CDK14: variants seen among roughly 807,000 people sequenced by gnomAD.
CDK14 encodes cyclin-dependent kinase 14.
In CDK14, 34 loss-of-function variants were observed where a neutral mutation model predicts 60.7. The observed-to-expected ratio is 0.56, with a 90% confidence interval of 0.43 to 0.75. CDK14 has a LOEUF of 0.75. Ranked by LOEUF, CDK14 falls within the 30% of genes least tolerant of loss-of-function variation. CDK14 has a pLI of 0.00. For missense variants in CDK14, 482 were observed against 564.1 expected (o/e 0.85, Z 1.47); for synonymous variants, 197 against 203.7 (o/e 0.97, Z 0.28).
intron 2 of CDK14, among the ~76,000 whole-genome samples, chr7:90,617,340 A>G (rs1324908148): frequency 1.3e-5 from 2 of 152,048 alleles, no homozygotes; most frequent in African/African-American, 4.8e-5. Context: ...TCCCAGGAGA[A>G]GGGAGAAAGG....
intron 14 of CDK14, among the ~76,000 whole-genome samples, chr7:91,142,087 G>A (rs1224394504): frequency 6.7e-6 from 1 of 150,208 alleles, no homozygotes; most frequent in Non-Finnish European, 1.5e-5. Flanking sequence ...GCCTCCCATA[G>A]TGCTGGGGTT....
intron 14 of CDK14, among the ~76,000 whole-genome samples, chr7:91,175,328 C>A (rs1297909999): frequency 2.0e-5 from 3 of 152,104 alleles, no homozygotes; most frequent in Admixed American, 1.3e-4. Context: ...TGGAAAGGAA[C>A]AACCGGTATC....
In CDK14 at chr7:90,824,775, A is replaced by T. The variant is rs547311960; in HGVS notation, c.544+34123A>T. 2.6e-5 allele frequency: 4 copies of T among 152,346 alleles called. No individual in the cohort carries two copies. The East Asian group carries it at 7.7e-4, about 29-fold the overall frequency. 9.4% of individuals were successfully genotyped at this position (152,346 alleles called of 1,614,324 possible). ...ATTGTCAAGTGCAACAAAGTAAGTT[A>T]TTTTTGTTAATAGTTCAAGTAATAG... On this transcript the variant is annotated intron_variant, in intron 5 of 14. Coordinates refer to ENST00000380050, the MANE Select transcript of CDK14 (RefSeq NM_001287135.2).
At chr7:91,027,776 C>T (rs1562873962) in intron 10 of CDK14, among the ~76,000 whole-genome samples, 2 of 6,242 alleles carry the variant, frequency 3.2e-4, no homozygotes, top group South Asian at 0.013. Flanking sequence ...TCTCCCCTCC[C>T]CTCCCCTCCC....
intron 5 of CDK14, among the ~76,000 whole-genome samples, chr7:90,837,252 T>C (rs1408959263): frequency 1.3e-5 from 2 of 152,012 alleles, no homozygotes; most frequent in Non-Finnish European, 2.9e-5. Context: ...GCTACACTTC[T>C]GCAAAATATT....
chr7:91,076,188 A>C (rs1441467795), intron 11 of CDK14, among the ~76,000 whole-genome samples: 1 of 148,656 alleles, frequency 6.7e-6, no homozygotes, highest in Admixed American at 6.8e-5. Context: ...AAAAGAACAA[A>C]GCTGGAGGCA....
intron 9 of CDK14, among the ~76,000 whole-genome samples, chr7:90,970,311 T>C (rs1278971086): frequency 9.9e-5 from 15 of 152,218 alleles, no homozygotes; most frequent in Admixed American, 9.8e-4. Context: ...ATATTTTCAG[T>C]GCATTAGCAA....
intron 5 of CDK14, among the ~76,000 whole-genome samples, chr7:90,832,557 G>T (rs1344276994): frequency 6.6e-6 from 1 of 151,938 alleles, no homozygotes; most frequent in Non-Finnish European, 1.5e-5. Flanking sequence ...AAGAAGATAG[G>T]TATGTTTAAA....
intron 14 of CDK14, among the ~76,000 whole-genome samples, chr7:91,170,856 T>A (rs1801495074): frequency 6.9e-6 from 1 of 144,270 alleles, no homozygotes; most frequent in African/African-American, 2.6e-5. Context: ...AACCTCCACC[T>A]CCCGGGTTCA....
At chr7:90,893,632 AG>A (rs1352049384) in intron 6 of CDK14, among the ~76,000 whole-genome samples, 2 of 152,248 alleles carry the variant, frequency 1.3e-5, no homozygotes, top group Non-Finnish European at 2.9e-5. Context: ...GAATGTATAA[AG>A]AAAAAAGATA....
intron 6 of CDK14, among the ~76,000 whole-genome samples, chr7:90,873,923 T>C (rs574092909): frequency 6.6e-6 from 1 of 152,218 alleles, no homozygotes; most frequent in Non-Finnish European, 1.5e-5. Context: ...ATTTTGATTA[T>C]ATCAGAATTC....
intron 4 of CDK14, among the ~76,000 whole-genome samples, chr7:90,753,248 A>G (rs1198219273): frequency 1.3e-5 from 2 of 152,180 alleles, no homozygotes; most frequent in Non-Finnish European, 2.9e-5. Context: ...ACAAAATACC[A>G]GCAAACCAAA....
At chr7:90,797,279 A>G (rs1788474207) in intron 5 of CDK14, among the ~76,000 whole-genome samples, 1 of 151,724 alleles carries the variant, frequency 6.6e-6, no homozygotes, top group Non-Finnish European at 1.5e-5. Context: ...CACTCTCCTT[A>G]ACTTGTAGAT....
At chr7:90,945,984 G>A (rs994641277) in intron 8 of CDK14, among the ~76,000 whole-genome samples, 1 of 152,148 alleles carries the variant, frequency 6.6e-6, no homozygotes, top group Non-Finnish European at 1.5e-5. Context: ...CCAGTTAATA[G>A]GCTCAAGACC....
intron 2 of CDK14, among the ~76,000 whole-genome samples, chr7:90,658,455 T>G (rs1425987257): frequency 6.6e-6 from 1 of 152,154 alleles, no homozygotes; most frequent in Non-Finnish European, 1.5e-5. Context: ...GTGATCTAAT[T>G]ACCTCCCCAG....
At chr7:90,849,121 G>A (rs1049625525) in intron 5 of CDK14, among the ~76,000 whole-genome samples, 5 of 152,114 alleles carry the variant, frequency 3.3e-5, no homozygotes, top group Non-Finnish European at 5.9e-5. Context: ...TGTTTGGGTC[G>A]TGGGGGCGGA....
At chr7:90,925,075 A>G (rs182954307) in intron 8 of CDK14, among the ~76,000 whole-genome samples, 102 of 152,332 alleles carry the variant, frequency 6.7e-4, no homozygotes, top group Middle Eastern at 3.4e-3. Flanking sequence ...ACCGGAAAGG[A>G]ATCTTGGTGC....
At chr7:90,868,053 C>T (rs904184735) in intron 6 of CDK14, among the ~76,000 whole-genome samples, 1 of 151,822 alleles carries the variant, frequency 6.6e-6, no homozygotes, top group Non-Finnish European at 1.5e-5. Flanking sequence ...ATGCTTGAGT[C>T]CAAGAGTGCA....
intron 4 of CDK14, among the ~76,000 whole-genome samples, chr7:90,771,959 A>G (rs1033819309): frequency 2.6e-5 from 4 of 152,222 alleles, no homozygotes; most frequent in Non-Finnish European, 5.9e-5. Context: ...TACCTGTGTA[A>G]TGATTGGAAA....
Sources: allele counts gnomAD v4.1 joint callset (sites outside exome capture counted in the v4.1 genomes callset), GRCh38; gene constraint gnomAD v4.1.1; transcripts MANE v1.5; gene names NCBI Gene and HGNC (gene_info 2026-07-23, HGNC 2026-07-21).